NKAIN2: variants seen among roughly 807,000 people sequenced by gnomAD.
NKAIN2 encodes sodium/potassium transporting ATPase interacting 2, also known as sodium/potassium-transporting ATPase subunit beta-1-interacting protein 2.
In NKAIN2, 14 loss-of-function variants were observed where a neutral mutation model predicts 32.6. The ratio of observed to expected loss-of-function variants is 0.43; its 90% CI spans 0.28 to 0.67. The LOEUF is 0.67. Among genes scored for constraint, NKAIN2 ranks in the 30% least tolerant of loss-of-function variants. The pLI is 0.17. For missense variants in NKAIN2, 198 were observed against 258.3 expected, an observed-to-expected ratio of 0.77 and a Z score of 1.60; for synonymous variants, 80 against 87.2, an observed-to-expected ratio of 0.92 and a Z score of 0.46.
rs112717446 is a variant in NKAIN2, at chr6:124,810,917, G to GAA, written c.536-7454_536-7453dup. On this transcript the variant is annotated intron_variant, in intron 5 of 6. Coordinates refer to ENST00000368417, the MANE Select transcript of NKAIN2 (RefSeq NM_001040214.3). The stretch of plus-strand genomic sequence containing the variant: ...TAAAGGATTGCATTTTCCTTATCAG[G>GAA]AAAAAAAAAAAAAAAAAGCTCAGAG... Among the ~76,000 whole-genome samples, 27 of 113,452 alleles carry GAA rather than the reference G, an allele frequency of 2.4e-4. 1 individual carries two copies. The East Asian group carries it at 3.3e-3, about 14-fold the overall frequency. 74.4% of individuals were successfully genotyped at this position (113,452 alleles called of 152,430 possible). A position where few individuals can be genotyped will look rare whatever the true frequency, so the allele number is the denominator to read the frequency against.
At chr6:124,073,553 G>C (rs1409551552) in intron 1 of NKAIN2, among the ~76,000 whole-genome samples, 2 of 152,240 alleles carry the variant, frequency 1.3e-5, no homozygotes, top group East Asian at 3.9e-4. Flanking sequence ...CCCCAGCTGA[G>C]AGCCATGATT....
At chr6:124,638,907 A>G (rs1172750299) in intron 3 of NKAIN2, among the ~76,000 whole-genome samples, 1 of 151,364 alleles carries the variant, frequency 6.6e-6, no homozygotes, top group East Asian at 1.9e-4. Context: ...AAAAAAAAAA[A>G]AAGATAAGCA....
intron 1 of NKAIN2, among the ~76,000 whole-genome samples, chr6:124,274,774 A>G (rs1318521642): frequency 6.6e-6 from 1 of 152,088 alleles, no homozygotes; most frequent in African/African-American, 2.4e-5. Flanking sequence ...GAATGCGGAC[A>G]CACTATTCAA....
chr6:124,411,829 T>G (rs1326810043), intron 3 of NKAIN2, among the ~76,000 whole-genome samples: 1 of 152,218 alleles, frequency 6.6e-6, no homozygotes. Context: ...CAATCAGACA[T>G]GGATTTGGTC....
chr6:124,693,098 A>G (rs1426368528), intron 4 of NKAIN2, among the ~76,000 whole-genome samples: 1 of 152,158 alleles, frequency 6.6e-6, no homozygotes, highest in African/African-American at 2.4e-5. Context: ...CTAAGTAAAA[A>G]CAGGGTCGTT....
intron 3 of NKAIN2, among the ~76,000 whole-genome samples, chr6:124,429,133 G>A (rs1038026718): frequency 6.6e-5 from 10 of 151,980 alleles, no homozygotes; most frequent in African/African-American, 2.4e-4. Flanking sequence ...TGCCTGTTGG[G>A]TTCAAGCAGT....
At chr6:124,045,057 A>T (rs1562326343) in intron 1 of NKAIN2, among the ~76,000 whole-genome samples, 1 of 151,924 alleles carries the variant, frequency 6.6e-6, no homozygotes, top group Non-Finnish European at 1.5e-5. Context: ...TAATTTTGTG[A>T]GCTCATTTGA....
chr6:124,076,058 G>A (rs1470885001), intron 1 of NKAIN2, among the ~76,000 whole-genome samples: 1 of 152,204 alleles, frequency 6.6e-6, no homozygotes, highest in Non-Finnish European at 1.5e-5. Flanking sequence ...CATTTTAGCT[G>A]CCTAATGAAG....
chr6:124,377,586 A>G (rs1800047935), intron 3 of NKAIN2, among the ~76,000 whole-genome samples: 1 of 152,116 alleles, frequency 6.6e-6, no homozygotes, highest in South Asian at 2.1e-4. Context: ...AATCCTGATA[A>G]AAAGCTGAGA....
intron 3 of NKAIN2, among the ~76,000 whole-genome samples, chr6:124,503,779 G>A (rs1778380162): frequency 6.6e-6 from 1 of 152,080 alleles, no homozygotes; most frequent in Admixed American, 6.5e-5. Context: ...CTAAGCCTTG[G>A]AAATTGTTTT....
intron 3 of NKAIN2, among the ~76,000 whole-genome samples, chr6:124,590,368 C>T (rs76532856): frequency 0.017 from 2,635 of 152,238 alleles, 78 homozygotes; most frequent in African/African-American, 0.06. Context: ...CCTATATAGA[C>T]TACTTACTAA....
chr6:124,424,743 A>G (rs1437790484), intron 3 of NKAIN2, among the ~76,000 whole-genome samples: 5 of 152,148 alleles, frequency 3.3e-5, no homozygotes, highest in Non-Finnish European at 7.4e-5. Context: ...ATTGTCATAA[A>G]TGGTAGGATT....
intron 1 of NKAIN2, among the ~76,000 whole-genome samples, chr6:124,181,250 G>A (rs182284715): frequency 3.1e-4 from 47 of 151,996 alleles, no homozygotes; most frequent in African/African-American, 1.0e-3. Flanking sequence ...ACTGCACAAA[G>A]CAGCAAGGCC....
chr6:124,227,698 A>G (rs776310949), intron 1 of NKAIN2, among the ~76,000 whole-genome samples: 3 of 152,080 alleles, frequency 2.0e-5, no homozygotes, highest in Non-Finnish European at 4.4e-5. Context: ...TTTCCCATGA[A>G]CCTTTCCTAA....
intron 1 of NKAIN2, among the ~76,000 whole-genome samples, chr6:124,074,124 C>G (rs1783584098): frequency 6.6e-6 from 1 of 152,086 alleles, no homozygotes; most frequent in Non-Finnish European, 1.5e-5. Context: ...AATCATCTCC[C>G]AGTGGAGTCA....
chr6:124,333,670 A>C (rs1297738676), intron 2 of NKAIN2, among the ~76,000 whole-genome samples: 1 of 150,826 alleles, frequency 6.6e-6, no homozygotes, highest in South Asian at 2.1e-4. Context: ...TAAATAAATA[A>C]ATAAATAAAT....
At chr6:124,459,417 A>T (rs1473769445) in intron 3 of NKAIN2, among the ~76,000 whole-genome samples, 1 of 151,918 alleles carries the variant, frequency 6.6e-6, no homozygotes, top group Non-Finnish European at 1.5e-5. Context: ...TATCTTTGTC[A>T]TACTACCTGG....
intron 1 of NKAIN2, among the ~76,000 whole-genome samples, chr6:123,938,462 A>ACG: frequency 1.6e-5 from 2 of 126,206 alleles, no homozygotes; most frequent in African/African-American, 6.0e-5. Flanking sequence ...ACACACACAC[A>ACG]CACACGCATA....
At chr6:124,460,659 T>G (rs1776496577) in intron 3 of NKAIN2, among the ~76,000 whole-genome samples, 1 of 151,760 alleles carries the variant, frequency 6.6e-6, no homozygotes, top group Non-Finnish European at 1.5e-5. Context: ...CTTTTAAAGA[T>G]TTTTCTTTTA....
Sources: allele counts gnomAD v4.1 joint callset (sites outside exome capture counted in the v4.1 genomes callset), GRCh38; gene constraint gnomAD v4.1.1; transcripts MANE v1.5; gene names NCBI Gene and HGNC (gene_info 2026-07-23, HGNC 2026-07-21).